Variants in ADAMTS8 observed in about 807,000 individuals in gnomAD.
ADAMTS8 encodes ADAM metallopeptidase with thrombospondin type 1 motif 8, also known as A disintegrin and metalloproteinase with thrombospondin motifs 8.
ADAMTS8 carries 50 observed loss-of-function variants against 64.4 expected under a neutral mutation model. That is an observed-to-expected ratio of 0.78 (90% CI 0.62 to 0.98). ADAMTS8 has a LOEUF of 0.98. Ranked by LOEUF, ADAMTS8 falls within the 50% of genes least tolerant of loss-of-function variation. ADAMTS8 has a pLI of 0.00. For synonymous variants in ADAMTS8, 556 were observed against 533.6 expected (o/e 1.04, Z -0.58); for missense variants, 1,192 against 1,208.2 (o/e 0.99, Z 0.20).
rs986933043 is a variant in ADAMTS8 at position 130,418,874 on chromosome 11, T to C, written c.960+179A>G. 2.0e-5 allele frequency among the ~76,000 whole-genome samples: 3 copies of C among 148,504 alleles called. No homozygotes were observed. The Admixed American group carries it at 2.1e-4, about 10-fold the overall frequency. ...CCCTTACAAGATTCTTCTCCTTCCC[T>C]TGCAAATACCTCACACTTGTCCTCA... On this transcript the variant is annotated intron_variant, in intron 2 of 8. Transcript: ENST00000257359.
Position 130,411,339 on chromosome 11 carries a change from A to G in ADAMTS8, c.1750+78T>C. 1 of 1,538,376 alleles carries G rather than the reference A, an allele frequency of 6.5e-7. No individual in the cohort carries two copies. The highest frequency in any genetic ancestry group is 8.8e-7 in the Non-Finnish European group (1 of 1,132,594). ...ATCCCGGGACACCCACTTCACTCCCACTTTACACATCCTCTGGGGATGCGT... is the reference window on the plus strand; with the variant it reads ...ATCCCGGGACACCCACTTCACTCCCGCTTTACACATCCTCTGGGGATGCGT... On this transcript the variant is annotated intron_variant, in intron 6 of 8. Coordinates refer to ENST00000257359, the MANE Select transcript of ADAMTS8 (RefSeq NM_007037.6). This position sits in a 1 kb window ranked among gnomAD's most constrained non-coding sequence, Gnocchi z 4.2.
rs1862191498 is a variant in ADAMTS8 at position 130,427,773 on chromosome 11, C to A, written c.514G>T (p.Gly172Ter). The A allele has an allele frequency of 1.3e-6, 2 of 1,592,386 alleles. No individual in the cohort carries two copies. Among genetic ancestry groups the A allele is most frequent in the Admixed American group, 1.7e-5 (1 of 58,064 alleles). Residue 172 changes from glycine (G) to a stop codon, truncating the protein, a stop_gained, in exon 1 of 9, where the codon GGA becomes TGA. Transcript: ENST00000257359. LOFTEE classifies it high-confidence loss of function. Reference sequence around the variant, plus strand: ...CCTCTCTCCTGCCTCTGACCCTCTCCCGTCTCCACCTCCCACTCGGGTCCT... The same window carrying A: ...CCTCTCTCCTGCCTCTGACCCTCTCACGTCTCCACCTCCCACTCGGGTCCT... ...PRGPEWEVET[G>*]EGQRQERGDH...
intron 1 of ADAMTS8, among the ~76,000 whole-genome samples, chr11:130,426,084 G>A (rs901928142): frequency 1.3e-5 from 2 of 152,234 alleles, no homozygotes; most frequent in African/African-American, 4.8e-5. Context: ...GGAAACAGGT[G>A]TTAAATCAGC....
In ADAMTS8 at chr11:130,428,214, G is replaced by T. The variant is rs1026543911; in HGVS notation, c.73C>A (p.Arg25Ser). ...GCTGCGGGCCGGGCCGGGGCGCCGC[G>T]GGCCAGCGGCAGCAGCAGCAGCAGC... is the stretch of plus-strand genomic sequence containing the variant. Reference protein sequence around the residue: ...LLLLLLLPLARGAPARPAAGG... With the variant: ...LLLLLLLPLASGAPARPAAGG... The change falls in exon 1 of 9, where the codon CGC becomes AGC. Residue 25 changes from arginine (R) to serine (S), a missense_variant. Coordinates refer to ENST00000257359, the MANE Select transcript of ADAMTS8 (RefSeq NM_007037.6). The T allele has an allele frequency of 8.2e-7, 1 of 1,224,884 alleles. No individual in the cohort carries two copies. Among genetic ancestry groups the T allele is most frequent in the Non-Finnish European group, 1.0e-6 (1 of 991,416 alleles). The allele number at this position is 1,224,884 out of a possible 1,614,324, so 75.9% of individuals were successfully genotyped here.
Position 130,411,435 on chromosome 11 carries a change from C to T in ADAMTS8, c.1732G>A (p.Glu578Lys), listed in dbSNP as rs373550324. ...TAATTACCGTCAGGGGGGCATTCCT[C>T]CGTGTGGCATGACTGGTACTTGGCT... The part of the protein sequence containing the change: ...RRAKYQSCHT[E>K]ECPPDGKSFR... The change falls in exon 6 of 9, where the codon GAG becomes AAG. Residue 578 changes from glutamate (E) to lysine (K), a missense_variant. Coordinates refer to ENST00000257359, the MANE Select transcript of ADAMTS8 (RefSeq NM_007037.6). The surrounding 1 kb of genome is among the most constrained non-coding windows in gnomAD (Gnocchi z 4.2). The T allele has an allele frequency of 1.1e-5, 17 of 1,613,968 alleles. No homozygotes were observed. The highest frequency in any genetic ancestry group is 1.4e-5 in the Non-Finnish European group (16 of 1,180,002).
rs1311045019 is a variant in ADAMTS8, at chr11:130,405,375, C to T, written c.*183G>A. On this transcript the variant is annotated 3_prime_UTR_variant, in exon 9 of 9. Coordinates refer to ENST00000257359, the MANE Select transcript of ADAMTS8 (RefSeq NM_007037.6). ...CAGTTGATGATAGGGTCTGCCGCCCCATACCCTCTCCTCTTCCCCCTTAGG... is the reference window on the plus strand; with the variant it reads ...CAGTTGATGATAGGGTCTGCCGCCCTATACCCTCTCCTCTTCCCCCTTAGG... The T allele has an allele frequency of 2.1e-6, 3 of 1,414,854 alleles. No individual in the cohort carries two copies. The highest frequency in any genetic ancestry group is 6.0e-5 in the Admixed American group (2 of 33,576). 87.6% of individuals were successfully genotyped at this position (1,414,854 alleles called of 1,614,324 possible). A position where few individuals can be genotyped will look rare whatever the true frequency, so the allele number is the denominator to read the frequency against.
intron 8 of ADAMTS8, 132 bp from the exon 9 acceptor site, chr11:130,406,260 G>T: frequency 8.8e-7 from 1 of 1,141,302 alleles, no homozygotes; most frequent in Non-Finnish European, 1.2e-6. Context: ...TAAGCAAGTT[G>T]CCTCAAAGTT....
rs566848917 is a variant in ADAMTS8 at position 130,414,761 on chromosome 11, A to C, written c.1336T>G (p.Tyr446Asp). 1 of 1,613,484 alleles carries C rather than the reference A, an allele frequency of 6.2e-7. No homozygotes were observed. Among genetic ancestry groups the C allele is most frequent in the South Asian group, 1.1e-5 (1 of 91,084 alleles). Residue 446 changes from tyrosine to aspartate, a missense_variant, in exon 5 of 9, where the codon TAC becomes GAC. By Grantham distance (160) the Tyr-to-Asp change is radical. Transcript: ENST00000257359. ...TGCCTGCACTGCTGGTCCAGCTGGT[A>C]CAGGGCCATGCGGCCCGGGAGGCCT... ...PTGLPGRMAL[Y>D]QLDQQCRQIF... is the part of the protein sequence containing the mutation.
intron 1 of ADAMTS8, among the ~76,000 whole-genome samples, chr11:130,424,300 C>G (rs931397008): frequency 2.6e-5 from 4 of 152,206 alleles, no homozygotes; most frequent in African/African-American, 9.6e-5. Context: ...CTGAGGAAGC[C>G]ACATGTCCTC....
intron 1 of ADAMTS8, 88 bp from the exon 2 acceptor site, chr11:130,419,380 T>G: frequency 6.5e-7 from 1 of 1,546,676 alleles, no homozygotes; most frequent in Non-Finnish European, 8.8e-7. Flanking sequence ...CACCTCTTGT[T>G]ATGGGGCTGA....
chr11:130,405,696 G>T lies in ADAMTS8; in HGVS notation c.2532C>A (p.Cys844Ter), dbSNP rs765661608. ...AQWVLGDWSE[C>*]SSTCGAGWQR... Reference sequence around the variant, plus strand: ...GCCAGCCGGCCCCGCAGGTGCTAGAGCACTCAGACCAGTCCCCCAGCACCC... The same window carrying T: ...GCCAGCCGGCCCCGCAGGTGCTAGATCACTCAGACCAGTCCCCCAGCACCC... The change falls in exon 9 of 9, where the codon TGC (cysteine) becomes TGA (stop). Residue 844 changes from cysteine to a stop codon, truncating the protein, a stop_gained. Coordinates refer to ENST00000257359, the MANE Select transcript of ADAMTS8 (RefSeq NM_007037.6). LOFTEE classifies it low-confidence loss of function (END_TRUNC). 1 of 1,614,120 alleles carries T rather than the reference G, an allele frequency of 6.2e-7. No individual in the cohort carries two copies. The highest frequency in any genetic ancestry group is 1.1e-5 in the South Asian group (1 of 91,088).
chr11:130,406,555 G>GA (rs1205162440), intron 8 of ADAMTS8, among the ~76,000 whole-genome samples: 1 of 152,092 alleles, frequency 6.6e-6, no homozygotes, highest in Non-Finnish European at 1.5e-5. Context: ...AACCCACATG[G>GA]AAAAAACTGT....
At position 130,411,318 on chromosome 11, in the gene ADAMTS8, C is replaced by A; in HGVS notation, c.1750+99G>T. 6.9e-7 allele frequency: 1 copy of A among 1,447,784 alleles called. No individual in the cohort carries two copies. The highest frequency in any genetic ancestry group is 2.3e-5 in the East Asian group (1 of 43,378). The allele number at this position is 1,447,784 out of a possible 1,614,324, so 89.7% of individuals were successfully genotyped here. A position where few individuals can be genotyped will look rare whatever the true frequency, so the allele number is the denominator to read the frequency against. ...CCCCTCTGGGAGTAACTCTATATCC[C>A]GGGACACCCACTTCACTCCCACTTT... On this transcript the variant is annotated intron_variant, in intron 6 of 8. Transcript: ENST00000257359. The surrounding 1 kb of genome is among the most constrained non-coding windows in gnomAD (Gnocchi z 4.2).
intron 8 of ADAMTS8, 37 bp from the exon 9 acceptor site, chr11:130,406,165 G>T: frequency 1.3e-6 from 2 of 1,575,748 alleles, no homozygotes; most frequent in South Asian, 2.3e-5. Context: ...TAGACCAGTG[G>T]CTGCCCAGCC....
rs772828378 is a variant in ADAMTS8 at position 130,428,130 on chromosome 11, G to T, written c.157C>A (p.Leu53Ile). 1 of 1,499,030 alleles carries T rather than the reference G, an allele frequency of 6.7e-7. No homozygotes were observed. Among genetic ancestry groups the T allele is most frequent in the Non-Finnish European group, 8.8e-7 (1 of 1,133,360 alleles). The allele number at this position is 1,499,030 out of a possible 1,614,324, so 92.9% of individuals were successfully genotyped here. Residue 53 changes from leucine to isoleucine, a missense_variant, in exon 1 of 9, where the codon CTC becomes ATC. Transcript: ENST00000257359. ...CCGAAGGCGGACAGGTGGAGCGCGA[G>T]CTCGCCCGCGCTGCCGGGCAACCGC... ...PTRLPGSAGE[L>I]ALHLSAFGKG... is the part of the protein sequence containing the mutation.
At chr11:130,410,052 T>C (rs750816909) in intron 6 of ADAMTS8, among the ~76,000 whole-genome samples, 1 of 152,176 alleles carries the variant, frequency 6.6e-6, no homozygotes. Flanking sequence ...TCCACCTAAG[T>C]GAATGAGGGC....
intron 5 of ADAMTS8, among the ~76,000 whole-genome samples, chr11:130,413,733 C>T (rs1861982093): frequency 2.0e-5 from 3 of 152,164 alleles, no homozygotes; most frequent in South Asian, 2.1e-4. Context: ...TCTTTGAATA[C>T]GGAATTCCCA....
rs1471488075 is a variant in ADAMTS8, at chr11:130,416,892, C to G, written c.1096+48G>C. The G allele has an allele frequency of 1.2e-6, 2 of 1,612,458 alleles. No individual in the cohort carries two copies. Among genetic ancestry groups the G allele is most frequent in the Admixed American group, 1.7e-5 (1 of 59,980 alleles). ...CTACGCAACCTTGGATCTGGAAGAG[C>G]AGTTCCCTCCGATGTGGTGAAGTGG... On this transcript the variant is annotated intron_variant, in intron 3 of 8. Transcript: ENST00000257359. This position sits in a 1 kb window ranked among gnomAD's most constrained non-coding sequence, Gnocchi z 4.8.
intron 1 of ADAMTS8, among the ~76,000 whole-genome samples, chr11:130,420,168 G>A (rs186513665): frequency 7.1e-4 from 108 of 152,278 alleles, no homozygotes; most frequent in African/African-American, 2.5e-3. Context: ...AGCCCCGAAG[G>A]GTTCGTTCCC....
Sources: gnomAD v4.1 joint callset for allele counts (sites outside exome capture counted in the v4.1 genomes callset) on GRCh38, gnomAD v4.1.1 for gene constraint, Gnocchi (gnomAD v3.1) non-coding constraint, MANE v1.5 for transcripts, NCBI Gene and HGNC (gene_info 2026-07-23, HGNC 2026-07-21) for gene names.